Variants in PPP3CC observed in about 807,000 individuals in gnomAD.
PPP3CC encodes serine/threonine-protein phosphatase 2B catalytic subunit gamma isoform.
A neutral mutation model predicts 60.3 loss-of-function variants in PPP3CC; 35 were observed. The observed-to-expected ratio is 0.58, with a 90% CI of 0.44 to 0.77. The LOEUF is 0.77. Among genes scored for constraint, PPP3CC ranks in the 30% least tolerant of loss-of-function variants. The probability of loss-of-function intolerance (pLI) is 0.00; values close to 1 mark genes in which losing one functional copy is unlikely to be tolerated. For synonymous variants in PPP3CC, 206 were observed against 224.3 expected, an observed-to-expected ratio of 0.92 and a Z score of 0.73; for missense variants, 570 against 628.9, an observed-to-expected ratio of 0.91 and a Z score of 1.00.
intron 5 of PPP3CC, among the ~76,000 whole-genome samples, chr8:22,512,423 A>G (rs1274227770): frequency 1.3e-5 from 2 of 152,162 alleles, no homozygotes; most frequent in Non-Finnish European, 2.9e-5. Context: ...CTTGGTTTTT[A>G]TGCTTTCAAC....
At chr8:22,466,026 C>T (rs940911273) in intron 1 of PPP3CC, among the ~76,000 whole-genome samples, 1 of 152,070 alleles carries the variant, frequency 6.6e-6, no homozygotes, top group African/African-American at 2.4e-5. Flanking sequence ...TGTGATGTTC[C>T]CCACCCTGTG....
intron 1 of PPP3CC, among the ~76,000 whole-genome samples, chr8:22,474,340 C>T (rs1371662298): frequency 6.6e-6 from 1 of 152,114 alleles, no homozygotes; most frequent in African/African-American, 2.4e-5. Flanking sequence ...CAAAGATACT[C>T]ATGTCATCTA....
At chr8:22,532,363 G>A (rs917156397) in intron 11 of PPP3CC, 57 bp downstream of exon 11, 22 of 1,407,482 alleles carry the variant, frequency 1.6e-5, no homozygotes, top group African/African-American at 1.4e-5. Flanking sequence ...TAAATTAGAC[G>A]TCGAATTCAG....
intron 1 of PPP3CC, among the ~76,000 whole-genome samples, chr8:22,461,989 C>T (rs1837375295): frequency 6.6e-6 from 1 of 152,150 alleles, no homozygotes; most frequent in African/African-American, 2.4e-5. Context: ...AATCCCAGTG[C>T]ATTGGGAGTC....
intron 3 of PPP3CC, among the ~76,000 whole-genome samples, chr8:22,485,818 G>A (rs971622985): frequency 6.6e-6 from 1 of 152,214 alleles, no homozygotes; most frequent in Non-Finnish European, 1.5e-5. Flanking sequence ...ATGAAAAAGC[G>A]AAATGTTATG....
At chr8:22,516,771 G>C (rs1243217765) in intron 6 of PPP3CC, among the ~76,000 whole-genome samples, 1 of 152,178 alleles carries the variant, frequency 6.6e-6, no homozygotes, top group African/African-American at 2.4e-5. Context: ...TCACTGTTTA[G>C]AATGGCCACC....
chr8:22,479,417 T>A (rs1837994635), intron 3 of PPP3CC, among the ~76,000 whole-genome samples: 1 of 152,198 alleles, frequency 6.6e-6, no homozygotes, highest in Non-Finnish European at 1.5e-5. Flanking sequence ...TTTCTGATCT[T>A]CTTTTTCCAC....
At chr8:22,464,382 ATTTAC>A (rs1379478230) in intron 1 of PPP3CC, among the ~76,000 whole-genome samples, 4 of 152,056 alleles carry the variant, frequency 2.6e-5, no homozygotes, top group Admixed American at 6.6e-5. Context: ...ATTTCTTATT[ATTTAC>A]TTATTTTTTA....
At chr8:22,476,155 A>G (rs1367140812) in intron 3 of PPP3CC, among the ~76,000 whole-genome samples, 1 of 152,212 alleles carries the variant, frequency 6.6e-6, no homozygotes, top group Non-Finnish European at 1.5e-5. Context: ...ATATATTTTG[A>G]AAATGGAAAG....
At chr8:22,528,095 A>T (rs1839608285) in intron 9 of PPP3CC, among the ~76,000 whole-genome samples, 1 of 152,240 alleles carries the variant, frequency 6.6e-6, no homozygotes, top group South Asian at 2.1e-4. Context: ...AGTACTGAAG[A>T]GATTTAAACA....
chr8:22,527,546 A>T lies in PPP3CC; in HGVS notation c.1069+29A>T, dbSNP rs746441237. 4.3e-6 allele frequency: 7 copies of T among 1,609,684 alleles called. No individual in the cohort carries two copies. The Admixed American group carries it at 1.2e-4, about 27-fold the overall frequency. ...AGAGAACTAAAGCACATGTCTCATC[A>T]GTTGTTTGGTGACTGAGCATACCTT... is the stretch of plus-strand genomic sequence containing the variant. On this transcript the variant is annotated intron_variant, in intron 9 of 13. Transcript: ENST00000240139.
At chr8:22,476,696 G>T (rs1204306811) in intron 3 of PPP3CC, among the ~76,000 whole-genome samples, 1 of 152,142 alleles carries the variant, frequency 6.6e-6, no homozygotes, top group Non-Finnish European at 1.5e-5. Flanking sequence ...ACTTTGGGAG[G>T]CCGAGGCAGG....
intron 6 of PPP3CC, among the ~76,000 whole-genome samples, chr8:22,515,913 CTTTATTTTAT>C (rs71206525): frequency 0.43 from 62,589 of 144,338 alleles, 13,441 homozygotes; most frequent in East Asian, 0.54. Context: ...CTTTCTTCTT[CTTTATTTTAT>C]TTTATTTTAT....
chr8:22,522,846 CAT>C, intron 8 of PPP3CC, 97 bp downstream of exon 8: 1 of 910,070 alleles, frequency 1.1e-6, no homozygotes, highest in Non-Finnish European at 1.6e-6. Context: ...CATTTTAAAA[CAT>C]AAATTTTAAA....
At chr8:22,520,127 T>C (rs547183470) in intron 6 of PPP3CC, among the ~76,000 whole-genome samples, 1 of 152,332 alleles carries the variant, frequency 6.6e-6, no homozygotes, top group South Asian at 2.1e-4. Flanking sequence ...TTTCTTTCTT[T>C]TAGTACTTTG....
chr8:22,475,275 C>A, intron 2 of PPP3CC, 124 bp downstream of exon 2: 1 of 1,026,500 alleles, frequency 9.7e-7, no homozygotes, highest in Non-Finnish European at 1.4e-6. Context: ...ATGAGACAGT[C>A]AGGATTGGTT....
chr8:22,479,504 A>C lies in PPP3CC; in HGVS notation c.372+3880A>C, dbSNP rs187532347. 1.7e-4 allele frequency among the ~76,000 whole-genome samples: 26 copies of C among 152,224 alleles called. No homozygotes were observed. The East Asian group carries it at 5.0e-3, about 29-fold the overall frequency. ...TGTCAAAGTCAAATAAAATAGAGAC[A>C]AATCTCTGAAATTAAAACATTTTAT... On this transcript the variant is annotated intron_variant, in intron 3 of 13. Transcript: ENST00000240139.
chr8:22,482,159 A>G (rs986157643), intron 3 of PPP3CC, among the ~76,000 whole-genome samples: 1 of 152,184 alleles, frequency 6.6e-6, no homozygotes, highest in African/African-American at 2.4e-5. Flanking sequence ...AACAGTGTAA[A>G]AGCATTCCTA....
At chr8:22,472,114 G>A (rs1837739595) in intron 1 of PPP3CC, among the ~76,000 whole-genome samples, 1 of 151,960 alleles carries the variant, frequency 6.6e-6, no homozygotes, top group African/African-American at 2.4e-5. Context: ...GGGCAATAAA[G>A]CGAGATCCTA....
Sources: gnomAD v4.1 joint callset for allele counts (sites outside exome capture counted in the v4.1 genomes callset) on GRCh38, gnomAD v4.1.1 for gene constraint, MANE v1.5 for transcripts, NCBI Gene and HGNC (gene_info 2026-07-23, HGNC 2026-07-21) for gene names.